Variants in TRDN observed in about 807,000 individuals in gnomAD.
TRDN encodes the protein triadin.
In TRDN, 161 loss-of-function variants were observed where a neutral mutation model predicts 149.7. That is an observed-to-expected ratio of 1.08 (90% CI 0.95 to 1.23). The LOEUF (loss-of-function observed/expected upper bound fraction) is 1.23, where lower values mean the gene tolerates loss of function less well. TRDN is among the 50% of genes most tolerant of loss of function. TRDN has a pLI of 0.00. For missense variants in TRDN, 896 were observed against 823.5 expected, an observed-to-expected ratio of 1.09 and a Z score of -1.08; for synonymous variants, 294 against 250.5, an observed-to-expected ratio of 1.17 and a Z score of -1.64.
chr6:123,432,187 A>G (rs1300564027), intron 12 of TRDN, among the ~76,000 whole-genome samples: 1 of 152,278 alleles, frequency 6.6e-6, no homozygotes, highest in East Asian at 1.9e-4. Flanking sequence ...CTTTGTTAAA[A>G]TACATTTCAC....
intron 1 of TRDN, among the ~76,000 whole-genome samples, chr6:123,584,404 A>G (rs1305059769): frequency 6.6e-6 from 1 of 152,046 alleles, no homozygotes; most frequent in African/African-American, 2.4e-5. Flanking sequence ...TGCCTAGGCT[A>G]AAACAGTAAG....
chr6:123,496,763 A>G (rs1231094955), intron 9 of TRDN, among the ~76,000 whole-genome samples: 2 of 152,112 alleles, frequency 1.3e-5, no homozygotes, highest in Non-Finnish European at 2.9e-5. Context: ...AGAAAATTTT[A>G]AAGTTTTGGA....
intron 4 of TRDN, 148 bp from the exon 5 acceptor site, chr6:123,530,713 G>T: frequency 2.4e-6 from 1 of 410,494 alleles, no homozygotes; most frequent in Non-Finnish European, 3.8e-6. Context: ...AAGAGTCTTT[G>T]TAACATATTG....
At chr6:123,444,755 T>A (rs989401918) in intron 10 of TRDN, among the ~76,000 whole-genome samples, 2 of 152,194 alleles carry the variant, frequency 1.3e-5, no homozygotes, top group Non-Finnish European at 2.9e-5. Context: ...GTCAAAGGCC[T>A]TTTCTGCATC....
intron 24 of TRDN, among the ~76,000 whole-genome samples, chr6:123,290,679 C>T (rs1240212545): frequency 6.6e-6 from 1 of 152,158 alleles, no homozygotes; most frequent in Non-Finnish European, 1.5e-5. Context: ...TATAGAATGT[C>T]AATGTCTGCT....
At chr6:123,415,393 G>A (rs892709683) in intron 12 of TRDN, among the ~76,000 whole-genome samples, 7 of 152,074 alleles carry the variant, frequency 4.6e-5, no homozygotes, top group African/African-American at 7.2e-5. Flanking sequence ...TGACAAGATC[G>A]CTGTAACGTT....
chr6:123,546,463 G>A (rs1469551037), intron 4 of TRDN, among the ~76,000 whole-genome samples: 1 of 152,042 alleles, frequency 6.6e-6, no homozygotes, highest in South Asian at 2.1e-4. Context: ...TCCACAGTAG[G>A]TATTAGGAGA....
intron 34 of TRDN, 75 bp from the exon 35 acceptor site, chr6:123,259,737 G>A (rs1474203954): frequency 9.4e-7 from 1 of 1,060,796 alleles, no homozygotes; most frequent in Non-Finnish European, 1.4e-6. Flanking sequence ...GGAGTAAACA[G>A]TTGGAGATGA....
At chr6:123,594,411 G>A (rs968574499) in intron 1 of TRDN, among the ~76,000 whole-genome samples, 2 of 152,002 alleles carry the variant, frequency 1.3e-5, no homozygotes, top group Non-Finnish European at 2.9e-5. Context: ...TCAATTCTGT[G>A]AAGGATAGAG....
intron 14 of TRDN, among the ~76,000 whole-genome samples, chr6:123,387,373 T>C (rs1429301722): frequency 2.6e-5 from 4 of 152,168 alleles, no homozygotes; most frequent in African/African-American, 9.6e-5. Context: ...ATAAATAACA[T>C]ATTTTTATGA....
intron 1 of TRDN, among the ~76,000 whole-genome samples, chr6:123,609,260 T>C (rs77470888): frequency 0.055 from 8,324 of 152,110 alleles, 244 homozygotes; most frequent in Non-Finnish European, 0.058. Flanking sequence ...AATATATCCA[T>C]GCATATATAT....
At chr6:123,571,971 A>G (rs1420690471) in intron 1 of TRDN, among the ~76,000 whole-genome samples, 2 of 152,176 alleles carry the variant, frequency 1.3e-5, no homozygotes. Flanking sequence ...TTTCTTTAGG[A>G]GAAAGTCCTA....
At chr6:123,270,050 C>T (rs558101315) in intron 30 of TRDN, among the ~76,000 whole-genome samples, 184 bp from the exon 31 acceptor site, 12 of 152,116 alleles carry the variant, frequency 7.9e-5, no homozygotes, top group African/African-American at 2.9e-4. Context: ...CTGCAAAAAA[C>T]TAGTAAGACA....
intron 10 of TRDN, among the ~76,000 whole-genome samples, chr6:123,450,678 A>G (rs983638266): frequency 5.9e-5 from 9 of 152,144 alleles, no homozygotes; most frequent in Non-Finnish European, 1.0e-4. Flanking sequence ...CACTGACAGC[A>G]CTAAACTGAT....
intron 4 of TRDN, among the ~76,000 whole-genome samples, chr6:123,532,179 A>G (rs1213148161): frequency 6.6e-6 from 1 of 152,140 alleles, no homozygotes; most frequent in Non-Finnish European, 1.5e-5. Flanking sequence ...TAAAATATAC[A>G]CTAGATTACA....
chr6:123,372,385 G>A (rs1392433764), intron 19 of TRDN, among the ~76,000 whole-genome samples: 3 of 152,034 alleles, frequency 2.0e-5, no homozygotes, highest in Admixed American at 6.6e-5. Context: ...AGTCAGGCTC[G>A]GTGGCTGAAC....
chr6:123,347,196 C>T (rs1389622458), intron 21 of TRDN, among the ~76,000 whole-genome samples: 1 of 151,928 alleles, frequency 6.6e-6, no homozygotes, highest in African/African-American at 2.4e-5. Context: ...TTGTTCCTGC[C>T]ATTGTACCAA....
At chr6:123,574,848 T>TTATATATATATA (rs1270587188) in intron 1 of TRDN, among the ~76,000 whole-genome samples, 1 of 102,536 alleles carries the variant, frequency 9.8e-6, no homozygotes, top group African/African-American at 3.8e-5. Context: ...GAACATGAAT[T>TTATATATATATA]TATATATACA....
chr6:123,464,249 C>T (rs1562327675), intron 10 of TRDN: 1 of 983,210 alleles, frequency 1.0e-6, no homozygotes. Context: ...AAAGAAATGA[C>T]TTTAACGTTC....
Sources: allele counts gnomAD v4.1 joint callset (sites outside exome capture counted in the v4.1 genomes callset), GRCh38; gene constraint gnomAD v4.1.1; transcripts MANE v1.5; gene names NCBI Gene and HGNC (gene_info 2026-07-23, HGNC 2026-07-21).